The following EXOC4 variants were observed in gnomAD, a reference collection of about 807,000 sequenced individuals.
EXOC4 encodes SEC8-like 1.
Under a neutral mutation model 107.2 loss-of-function variants are expected in EXOC4, and 71 were observed. The ratio of observed to expected loss-of-function variants is 0.66; its 90% CI spans 0.55 to 0.81. The LOEUF (loss-of-function observed/expected upper bound fraction) is 0.81. EXOC4 is among the 30% of genes least tolerant of loss of function. The pLI, the probability that EXOC4 is intolerant of heterozygous loss-of-function variation, is 0.00. For missense variants in EXOC4, 1,108 were observed against 1,189.6 expected (o/e 0.93, Z 1.01); for synonymous variants, 456 against 441.2 (o/e 1.03, Z -0.42).
chr7:133,608,587 C>T (rs1280912196), intron 9 of EXOC4, among the ~76,000 whole-genome samples: 6 of 115,372 alleles, frequency 5.2e-5, no homozygotes, highest in Non-Finnish European at 8.2e-5. Flanking sequence ...GAATCTTGCT[C>T]TGTTGCCAGG....
intron 12 of EXOC4, among the ~76,000 whole-genome samples, chr7:133,908,277 A>G (rs2042451): frequency 0.62 from 94,048 of 151,904 alleles, 31,525 homozygotes; most frequent in African/African-American, 0.89. Flanking sequence ...CTAGTCAGTC[A>G]CAACAATTCT....
At chr7:133,669,906 T>C (rs1793909047) in intron 10 of EXOC4, among the ~76,000 whole-genome samples, 1 of 152,212 alleles carries the variant, frequency 6.6e-6, no homozygotes, top group African/African-American at 2.4e-5. Flanking sequence ...TCCACAGTTA[T>C]TTTCTTTACC....
intron 9 of EXOC4, among the ~76,000 whole-genome samples, chr7:133,603,622 A>G (rs993466037): frequency 1.3e-5 from 2 of 152,202 alleles, no homozygotes; most frequent in Non-Finnish European, 2.9e-5. Context: ...GTATTTGTCT[A>G]TCTAAACATA....
chr7:133,712,588 T>C (rs1458595494), intron 10 of EXOC4, among the ~76,000 whole-genome samples: 2 of 151,984 alleles, frequency 1.3e-5, no homozygotes, highest in African/African-American at 4.8e-5. Flanking sequence ...AATTTCACTA[T>C]TCACTCCTAG....
intron 10 of EXOC4, among the ~76,000 whole-genome samples, chr7:133,739,344 TCTC>T: frequency 6.6e-6 from 1 of 152,068 alleles, no homozygotes; most frequent in South Asian, 2.1e-4. Context: ...ATTTTTGTCT[TCTC>T]AACTCATGCT....
chr7:134,066,611 T>TGACA (rs1282695999), downstream of EXOC4: 1 of 152,168 alleles, frequency 6.6e-6, no homozygotes, highest in Non-Finnish European at 1.5e-5. Context: ...GAACAGCCAG[T>TGACA]GACACACTCA....
chr7:133,697,049 T>C (rs1794550201), intron 10 of EXOC4, among the ~76,000 whole-genome samples: 1 of 152,218 alleles, frequency 6.6e-6, no homozygotes, highest in Non-Finnish European at 1.5e-5. Flanking sequence ...TGAAAGAGGC[T>C]CTTTACTCCT....
At chr7:134,032,283 C>A (rs1795288226) in intron 17 of EXOC4, among the ~76,000 whole-genome samples, 1 of 152,154 alleles carries the variant, frequency 6.6e-6, no homozygotes, top group Non-Finnish European at 1.5e-5. Flanking sequence ...AGTCTGTCAA[C>A]AGTTTCTCCT....
intron 7 of EXOC4, among the ~76,000 whole-genome samples, chr7:133,431,967 C>T (rs963135189): frequency 2.6e-5 from 4 of 152,128 alleles, no homozygotes; most frequent in African/African-American, 9.7e-5. Flanking sequence ...CTGAGATTTC[C>T]CCCTTTTTGT....
At chr7:133,260,460 G>T (rs1795122952) in intron 1 of EXOC4, among the ~76,000 whole-genome samples, 1 of 152,112 alleles carries the variant, frequency 6.6e-6, no homozygotes, top group African/African-American at 2.4e-5. Context: ...TTTTGGTAGA[G>T]ACAGGATTTC....
Position 133,356,551 on chromosome 7 carries a change from G to A in EXOC4, c.985G>A (p.Val329Ile), listed in dbSNP as rs772554686. ...CAGTGGCTATCAGCGGGGGGAGAACGTTACTGTGGAGAACCAACCAAGGTA... is the reference window on the plus strand; with the variant it reads ...CAGTGGCTATCAGCGGGGGGAGAACATTACTGTGGAGAACCAACCAAGGTA... The part of the protein sequence containing the change: ...ADSGYQRGEN[V>I]TVENQPRLLL... Residue 329 changes from valine to isoleucine, a missense_variant, in exon 6 of 18, where the codon GTT (valine) becomes ATT (isoleucine). Val to Ile is a conservative substitution (Grantham distance 29). Coordinates refer to ENST00000253861, the MANE Select transcript of EXOC4 (RefSeq NM_021807.4). The A allele has an allele frequency of 1.2e-5, 19 of 1,613,980 alleles. No individual in the cohort carries two copies. The highest frequency in any genetic ancestry group is 4.0e-5 in the African/African-American group (3 of 75,048).
At chr7:133,970,780 G>C (rs1178465936) in intron 14 of EXOC4, among the ~76,000 whole-genome samples, 1 of 151,972 alleles carries the variant, frequency 6.6e-6, no homozygotes, top group African/African-American at 2.4e-5. Context: ...AACCCGAGCT[G>C]TTCCTATTCA....
At chr7:133,754,383 G>A (rs1278991652) in intron 10 of EXOC4, among the ~76,000 whole-genome samples, 1 of 152,188 alleles carries the variant, frequency 6.6e-6, no homozygotes, top group East Asian at 1.9e-4. Flanking sequence ...AGTTAGGAAT[G>A]CCTCTCAAGA....
At chr7:133,873,264 C>T (rs1463336592) in intron 11 of EXOC4, among the ~76,000 whole-genome samples, 1 of 152,154 alleles carries the variant, frequency 6.6e-6, no homozygotes, top group African/African-American at 2.4e-5. Flanking sequence ...GCAAAAGTTC[C>T]TCTGCCTCAC....
chr7:133,810,669 GT>G (rs554043275), intron 10 of EXOC4, among the ~76,000 whole-genome samples: 209 of 147,410 alleles, frequency 1.4e-3, no homozygotes, highest in African/African-American at 5.2e-3. Flanking sequence ...GTCTTGCTGT[GT>G]TGCCCAGGCT....
chr7:133,421,969 C>T (rs944575589), intron 7 of EXOC4, among the ~76,000 whole-genome samples: 6 of 152,070 alleles, frequency 3.9e-5, no homozygotes, highest in Non-Finnish European at 8.8e-5. Flanking sequence ...TAAATGACTA[C>T]CTATAATACT....
At chr7:133,793,287 AT>A (rs1211152997) in intron 10 of EXOC4, among the ~76,000 whole-genome samples, 2 of 152,052 alleles carry the variant, frequency 1.3e-5, no homozygotes, top group East Asian at 1.9e-4. Flanking sequence ...TTAATACGAG[AT>A]TAGGGAAGTT....
intron 9 of EXOC4, among the ~76,000 whole-genome samples, chr7:133,518,035 T>G (rs1274181158): frequency 6.6e-6 from 1 of 151,824 alleles, no homozygotes; most frequent in Non-Finnish European, 1.5e-5. Flanking sequence ...ATGGGATGCT[T>G]AGGGGCTGAG....
intron 9 of EXOC4, among the ~76,000 whole-genome samples, chr7:133,518,523 TCAAA>T (rs914791848): frequency 6.6e-6 from 1 of 152,120 alleles, no homozygotes; most frequent in Non-Finnish European, 1.5e-5. Context: ...AAACAGGGAC[TCAAA>T]CAGATATTTT....
Sources: allele counts gnomAD v4.1 joint callset (sites outside exome capture counted in the v4.1 genomes callset), GRCh38; gene constraint gnomAD v4.1.1; transcripts MANE v1.5; gene names NCBI Gene and HGNC (gene_info 2026-07-23, HGNC 2026-07-21).